The following ZC3H12C variants were observed in gnomAD, a reference collection of about 807,000 sequenced individuals.
The protein encoded by ZC3H12C is zinc finger CCCH-type containing 12C.
A neutral mutation model predicts 76.3 loss-of-function variants in ZC3H12C; 20 were observed. The ratio of observed to expected loss-of-function variants is 0.26; its 90% CI spans 0.18 to 0.38. The LOEUF (loss-of-function observed/expected upper bound fraction) is 0.38, where lower values mean the gene tolerates loss of function less well. ZC3H12C is among the 10% of genes least tolerant of loss of function. The pLI, the probability that ZC3H12C is intolerant of heterozygous loss-of-function variation, is 1.00. For synonymous variants in ZC3H12C, 352 were observed against 399.6 expected (o/e 0.88, Z 1.42); for missense variants, 874 against 1,086.5 (o/e 0.80, Z 2.75).
intron 2 of ZC3H12C, among the ~76,000 whole-genome samples, chr11:110,139,031 G>T (rs1437100746): frequency 1.3e-5 from 2 of 152,198 alleles, no homozygotes; most frequent in African/African-American, 2.4e-5. Context: ...AGTTCAAAGT[G>T]TAACTCAGGC....
At chr11:110,151,033 T>C (rs1381791992) in intron 2 of ZC3H12C, among the ~76,000 whole-genome samples, 2 of 152,168 alleles carry the variant, frequency 1.3e-5, no homozygotes, top group African/African-American at 4.8e-5. Flanking sequence ...GATGGAGATA[T>C]TTACCATTAA....
chr11:110,144,062 G>GT (rs5794668), intron 2 of ZC3H12C, among the ~76,000 whole-genome samples: 152,354 of 152,354 alleles, frequency 1, 76,177 homozygotes, highest in Non-Finnish European at 1. Flanking sequence ...TAGAAAATCA[G>GT]TGCATGTCCT....
At chr11:110,126,587 T>C (rs1431350520) in intron 1 of ZC3H12C, among the ~76,000 whole-genome samples, 1 of 152,144 alleles carries the variant, frequency 6.6e-6, no homozygotes, top group Non-Finnish European at 1.5e-5. Context: ...TATATCATGG[T>C]GATAATTTTA....
At chr11:110,098,799 A>C (rs1431898251) in intron 1 of ZC3H12C, among the ~76,000 whole-genome samples, 1 of 152,234 alleles carries the variant, frequency 6.6e-6, no homozygotes, top group Non-Finnish European at 1.5e-5. Flanking sequence ...AGGTTTGTGT[A>C]AGTATACTCT....
chr11:110,149,339 T>C (rs1002254270), intron 2 of ZC3H12C, among the ~76,000 whole-genome samples: 8 of 152,206 alleles, frequency 5.3e-5, no homozygotes, highest in Non-Finnish European at 1.0e-4. Context: ...AAGTGCCATC[T>C]AAGGCTGGGA....
intron 1 of ZC3H12C, among the ~76,000 whole-genome samples, chr11:110,133,237 T>G (rs903142722): frequency 6.6e-6 from 1 of 152,186 alleles, no homozygotes; most frequent in Admixed American, 6.5e-5. Flanking sequence ...AAACCAAATC[T>G]TTACCATTTG....
chr11:110,137,325 G>A lies in ZC3H12C; in HGVS notation c.684G>A (p.Gln228=). ...ITRETSSLES[Q]RSESPMQEIV... ...GGGAAACTTCTTCCCTGGAATCTCA[G>A]AGGTCTGAATCTCCAATGCAAGAGA... The change falls in exon 2 of 6, where the codon CAG becomes CAA. Residue 228 remains glutamine, a synonymous_variant. Transcript: ENST00000278590. 1.2e-6 allele frequency: 2 copies of A among 1,613,910 alleles called. No homozygotes were observed. The highest frequency in any genetic ancestry group is 1.7e-6 in the Non-Finnish European group (2 of 1,179,864).
chr11:110,152,792 C>A (rs1862296954), intron 2 of ZC3H12C, 127 bp from the exon 3 acceptor site: 2 of 1,075,556 alleles, frequency 1.9e-6, no homozygotes, highest in African/African-American at 1.6e-5. Context: ...GATCTATAAA[C>A]TCCATTTTAA....
In ZC3H12C at chr11:110,116,974, TAGTA is replaced by T. The variant is rs1283688524; in HGVS notation, c.22-19684_22-19681del. Among the ~76,000 whole-genome samples the T allele has an allele frequency of 4.6e-5, 7 of 152,176 alleles. No individual in the cohort carries two copies. In the East Asian group the frequency reaches 1.3e-3, roughly 29 times the overall value. On this transcript the variant is annotated intron_variant, in intron 1 of 5. Coordinates refer to ENST00000278590, the MANE Select transcript of ZC3H12C (RefSeq NM_033390.2). ...GAATAAATTGTACCCTGGAGTTTAT[TAGTA>T]AGTATTCAGAGACAAGTTTCAGAAT...
chr11:110,142,593 A>G (rs1862086388), intron 2 of ZC3H12C, among the ~76,000 whole-genome samples: 1 of 152,112 alleles, frequency 6.6e-6, no homozygotes, highest in Non-Finnish European at 1.5e-5. Context: ...GGCCCTTTCA[A>G]TTCTCAAAGC....
intron 1 of ZC3H12C, among the ~76,000 whole-genome samples, chr11:110,127,464 T>G (rs588736): frequency 0.71 from 107,635 of 152,012 alleles, 38,415 homozygotes; most frequent in East Asian, 0.89. Context: ...TTTGTTGTTG[T>G]TGGTGGTGGT....
intron 2 of ZC3H12C, among the ~76,000 whole-genome samples, chr11:110,149,604 AAGT>A (rs1282152609): frequency 6.6e-6 from 1 of 152,142 alleles, no homozygotes; most frequent in Non-Finnish European, 1.5e-5. Context: ...GATGGGTGTG[AAGT>A]AGTGTCTCAT....
intron 3 of ZC3H12C, among the ~76,000 whole-genome samples, chr11:110,156,718 T>A (rs185564188): frequency 1.5e-3 from 228 of 152,326 alleles, no homozygotes; most frequent in African/African-American, 5.3e-3. Context: ...TCATTGAACA[T>A]CTACTGATGT....
rs1175422767 is a variant in ZC3H12C, at chr11:110,142,201, T to G, written c.773+4787T>G. On this transcript the variant is annotated intron_variant, in intron 2 of 5. Coordinates refer to ENST00000278590, the MANE Select transcript of ZC3H12C (RefSeq NM_033390.2). ...ACAAAGACAGATATTAGAGTTATAT[T>G]CCATTGCACCTCTTTATAATTCTAA... Among the ~76,000 whole-genome samples, 5 of 152,318 alleles carry G rather than the reference T, an allele frequency of 3.3e-5. No homozygotes were observed. In the East Asian group the frequency reaches 9.6e-4, roughly 29 times the overall value.
At chr11:110,145,336 AGAAAAAT>A (rs1292578650) in intron 2 of ZC3H12C, among the ~76,000 whole-genome samples, 1 of 152,242 alleles carries the variant, frequency 6.6e-6, no homozygotes, top group East Asian at 1.9e-4. Context: ...GTGAATTTAC[AGAAAAAT>A]GAAAAATTAT....
rs960031925 is a variant in ZC3H12C, at chr11:110,169,957, C to T, written c.*4220C>T. On this transcript the variant is annotated 3_prime_UTR_variant, in exon 6 of 6. Coordinates refer to ENST00000278590, the MANE Select transcript of ZC3H12C (RefSeq NM_033390.2). ...TCCAATAAAACTTTATTTACAGAAA[C>T]GGGAAGCCGGTCAGATTGGGCCTGT... 15 of 152,228 alleles carry T rather than the reference C, an allele frequency of 9.9e-5. No homozygotes were observed. In the East Asian group the frequency reaches 2.1e-3, roughly 22 times the overall value. The allele number at this position is 152,228 out of a possible 1,614,324, so 9.4% of individuals were successfully genotyped here. A position where few individuals can be genotyped will look rare whatever the true frequency, so the allele number is the denominator to read the frequency against.
chr11:110,110,433 A>G (rs554084731), intron 1 of ZC3H12C, among the ~76,000 whole-genome samples: 1 of 152,192 alleles, frequency 6.6e-6, no homozygotes, highest in South Asian at 2.1e-4. Context: ...TACCAGTTTA[A>G]TAGTATTTCC....
chr11:110,153,017 C>G lies in ZC3H12C; in HGVS notation c.872C>G (p.Ala291Gly), dbSNP rs776100564. The change falls in exon 3 of 6, where the codon GCT becomes GGT. Residue 291 changes from alanine to glycine, a missense_variant. By Grantham distance (60) the Ala-to-Gly change is moderately conservative. This residue lies in a region of ZC3H12C where 269 missense variants were observed against 424.9 expected (regional missense o/e 0.63). Coordinates refer to ENST00000278590, the MANE Select transcript of ZC3H12C (RefSeq NM_033390.2). ...GHKDITVFVP[A>G]WRKEQSRPDA... is the part of the protein sequence containing the mutation. The stretch of plus-strand genomic sequence containing the variant: ...AAAGACATTACAGTTTTTGTTCCTG[C>G]TTGGAGGAAAGAGCAATCCCGACCT... The G allele has an allele frequency of 2.5e-6, 4 of 1,611,876 alleles. No homozygotes were observed. The South Asian group carries it at 4.4e-5, about 18-fold the overall frequency.
At chr11:110,105,988 G>GTATTTCTGTCAGCAATGTATGTGT (rs1565247993) in intron 1 of ZC3H12C, among the ~76,000 whole-genome samples, 2 of 14,496 alleles carry the variant, frequency 1.4e-4, no homozygotes, top group South Asian at 1.1e-3. Flanking sequence ...AGTTATACCA[G>GTATTTCTGTCAGCAATGTATGTGT]CCGGGCGCGG....
Sources: gnomAD v4.1 joint callset for allele counts (sites outside exome capture counted in the v4.1 genomes callset) on GRCh38, gnomAD v4.1.1 for gene constraint, gnomAD v4.1.1 regional missense constraint, MANE v1.5 for transcripts, NCBI Gene and HGNC (gene_info 2026-07-23, HGNC 2026-07-21) for gene names.